Variants in KCTD9 observed in about 807,000 individuals in gnomAD.
KCTD9 encodes the protein BTB/POZ domain-containing protein KCTD9.
In KCTD9, 17 loss-of-function variants were observed where a neutral mutation model predicts 53.3. The observed-to-expected ratio is 0.32, with a 90% CI of 0.22 to 0.48. KCTD9 has a LOEUF of 0.48. KCTD9 is among the 20% of genes least tolerant of loss of function. KCTD9 has a pLI of 0.99. For missense variants in KCTD9, 179 were observed against 465.5 expected, an observed-to-expected ratio of 0.38 and a Z score of 5.66; for synonymous variants, 128 against 162.7, an observed-to-expected ratio of 0.79 and a Z score of 1.62.
At chr8:25,438,877 C>T (rs1016524213) in intron 6 of KCTD9, among the ~76,000 whole-genome samples, 8 of 152,204 alleles carry the variant, frequency 5.3e-5, no homozygotes, top group African/African-American at 1.9e-4. Context: ...ATGATTTGCC[C>T]TCTTGACTAC....
intron 6 of KCTD9, among the ~76,000 whole-genome samples, chr8:25,438,213 T>A (rs538968055): frequency 8.6e-5 from 13 of 151,958 alleles, no homozygotes; most frequent in African/African-American, 3.1e-4. Context: ...ATGCTATCAA[T>A]AATTTGAAGA....
chr8:25,430,012 A>T (rs747552859), intron 11 of KCTD9, 39 bp from the exon 12 acceptor site: 1 of 1,103,470 alleles, frequency 9.1e-7, no homozygotes, highest in Non-Finnish European at 1.4e-6. Flanking sequence ...TTCATGTGGA[A>T]ATTTCAGGCC....
In KCTD9 at chr8:25,458,272, T is replaced by C. The variant is rs765635481; in HGVS notation, c.-26A>G. The C allele has an allele frequency of 6.8e-6, 11 of 1,608,418 alleles. No homozygotes were observed. Among genetic ancestry groups the C allele is most frequent in the Non-Finnish European group, 8.5e-6 (10 of 1,178,804 alleles). ...CGCGCTGCCCCCGCTGGGTCCTGAG[T>C]GAGCCGCCACCCTCCCACCTGGTCC... On this transcript the variant is annotated 5_prime_UTR_variant, in exon 1 of 12. Coordinates refer to ENST00000221200, the MANE Select transcript of KCTD9 (RefSeq NM_017634.4).
Position 25,443,778 on chromosome 8 carries a change from C to T in KCTD9, c.214+514G>A, listed in dbSNP as rs753675709. On this transcript the variant is annotated intron_variant, in intron 3 of 11. Coordinates refer to ENST00000221200, the MANE Select transcript of KCTD9 (RefSeq NM_017634.4). ...TAAATCAAATACTTTATCTTCCTTTCGGCCTTTTCTTTTGAGATATACAAC... is the reference window on the plus strand; with the variant it reads ...TAAATCAAATACTTTATCTTCCTTTTGGCCTTTTCTTTTGAGATATACAAC... Among the ~76,000 whole-genome samples the T allele has an allele frequency of 1.3e-4, 20 of 152,140 alleles. 1 individual carries two copies. The highest frequency in any genetic ancestry group is 9.7e-5 in the African/African-American group (4 of 41,448).
At chr8:25,457,862 A>C in intron 1 of KCTD9, 4 of 191,146 alleles carry the variant, frequency 2.1e-5, no homozygotes, top group Non-Finnish European at 4.2e-5. Context: ...AGAGGCGGGA[A>C]GAGGCGCGAC....
In KCTD9 at chr8:25,436,451, G is replaced by C; in HGVS notation, c.534C>G (p.Asp178Glu). 1 of 1,582,420 alleles carries C rather than the reference G, an allele frequency of 6.3e-7. No individual in the cohort carries two copies. The highest frequency in any genetic ancestry group is 8.5e-7 in the Non-Finnish European group (1 of 1,172,688). Residue 178 changes from aspartate (D) to glutamate (E), a missense_variant, in exon 7 of 12, where the codon GAC becomes GAG. Asp to Glu is a conservative substitution (Grantham distance 45, BLOSUM62 2). Transcript: ENST00000221200. ...VLEEARFFGI[D>E]SLIEHLEVAI... ...CCACTTCTAGGTGTTCAATCAATGA[G>C]TCAATACCAAAAAATCTTGCTTCTT...
At chr8:25,444,484 T>G (rs1344323718) in intron 2 of KCTD9, 149 bp from the exon 3 acceptor site, 3 of 651,588 alleles carry the variant, frequency 4.6e-6, no homozygotes, top group Non-Finnish European at 5.1e-6. Context: ...TCCAATGCTT[T>G]GTTTAACCCC....
intron 6 of KCTD9, among the ~76,000 whole-genome samples, chr8:25,437,595 G>A (rs1006636406): frequency 6.6e-6 from 1 of 151,906 alleles, no homozygotes; most frequent in Admixed American, 6.6e-5. Context: ...GGAGAATGGC[G>A]TGAATCCAGG....
At position 25,450,335 on chromosome 8, in the gene KCTD9, G is replaced by C. The variant is rs972983815; in HGVS notation, c.49-4085C>G. ...AGCAGCACTAAAGAAGTACATTCCT[G>C]AGCTGTTCTACTAATAACCGCCATA... On this transcript the variant is annotated intron_variant, in intron 1 of 11. Transcript: ENST00000221200. The C allele has an allele frequency of 6.1e-6, 6 of 985,184 alleles. No homozygotes were observed. In the African/African-American group the frequency reaches 1.0e-4, roughly 17 times the overall value. 61.0% of individuals were successfully genotyped at this position (985,184 alleles called of 1,614,324 possible).
intron 4 of KCTD9, chr8:25,439,934 TATTC>T: frequency 2.1e-6 from 1 of 486,038 alleles, no homozygotes; most frequent in Non-Finnish European, 3.3e-6. Flanking sequence ...TACATAATAA[TATTC>T]TTGATCTTCC....
intron 9 of KCTD9, among the ~76,000 whole-genome samples, chr8:25,433,751 C>CT (rs1194033516): frequency 3.3e-5 from 5 of 152,160 alleles, no homozygotes; most frequent in African/African-American, 1.2e-4. Flanking sequence ...ACCTCTATCT[C>CT]TATTTTTATA....
chr8:25,448,127 A>G (rs1306639554), intron 1 of KCTD9, among the ~76,000 whole-genome samples: 1 of 152,124 alleles, frequency 6.6e-6, no homozygotes, highest in Non-Finnish European at 1.5e-5. Flanking sequence ...GGAAAAGAAA[A>G]AAGGAAAGGA....
intron 3 of KCTD9, among the ~76,000 whole-genome samples, chr8:25,444,037 A>G (rs1045246089): frequency 2.0e-5 from 3 of 152,164 alleles, no homozygotes; most frequent in African/African-American, 7.2e-5. Flanking sequence ...CTACCTTACT[A>G]TGTTACAGTT....
At chr8:25,443,832 GTGTGTGTGCACACC>G in intron 3 of KCTD9, among the ~76,000 whole-genome samples, 1 of 152,148 alleles carries the variant, frequency 6.6e-6, no homozygotes, top group Non-Finnish European at 1.5e-5. Flanking sequence ...TCAAAGGGTA[GTGTGTGTGCACACC>G]TGTGTGTGTG....
intron 1 of KCTD9, among the ~76,000 whole-genome samples, chr8:25,456,710 C>T (rs1328488081): frequency 6.6e-6 from 1 of 151,548 alleles, no homozygotes; most frequent in East Asian, 1.9e-4. Context: ...AAAAAAAATC[C>T]GTGTGAACAA....
At chr8:25,433,848 T>A (rs1414806773) in intron 9 of KCTD9, among the ~76,000 whole-genome samples, 1 of 152,172 alleles carries the variant, frequency 6.6e-6, no homozygotes, top group Non-Finnish European at 1.5e-5. Context: ...TTCTTATTAC[T>A]GTAGGAATCT....
intron 4 of KCTD9, 79 bp from the exon 5 acceptor site, chr8:25,439,743 C>T: frequency 6.3e-7 from 1 of 1,597,960 alleles, no homozygotes; most frequent in Non-Finnish European, 8.5e-7. Flanking sequence ...TATACTCGAT[C>T]CCAGCTGCTC....
At chr8:25,448,670 T>C (rs1802261085) in intron 1 of KCTD9, among the ~76,000 whole-genome samples, 1 of 152,120 alleles carries the variant, frequency 6.6e-6, no homozygotes, top group South Asian at 2.1e-4. Context: ...AAATCTGCAC[T>C]ATGGGAGGCT....
rs1474386609 is a variant in KCTD9, at chr8:25,444,143, C to T, written c.214+149G>A. 4 of 707,326 alleles carry T rather than the reference C, an allele frequency of 5.7e-6. No individual in the cohort carries two copies. In the East Asian group the frequency reaches 8.2e-5, roughly 15 times the overall value. 43.8% of individuals were successfully genotyped at this position (707,326 alleles called of 1,614,324 possible). ...ATAGTAAAAAATTTACTTTAACATA[C>T]CCAATGCAGAATCAAAAAGTGTGAA... is the stretch of plus-strand genomic sequence containing the variant. On this transcript the variant is annotated intron_variant, in intron 3 of 11. Transcript: ENST00000221200.
Sources: allele counts gnomAD v4.1 joint callset (sites outside exome capture counted in the v4.1 genomes callset), GRCh38; gene constraint gnomAD v4.1.1; transcripts MANE v1.5; gene names NCBI Gene and HGNC (gene_info 2026-07-23, HGNC 2026-07-21).